ADAMTSL3: variants seen among roughly 807,000 people sequenced by gnomAD.
The protein encoded by ADAMTSL3 is ADAMTS-like protein 3.
In ADAMTSL3, 128 loss-of-function variants were observed where a neutral mutation model predicts 201.7. That is an observed-to-expected ratio of 0.63 (90% CI 0.55 to 0.73). The LOEUF is 0.73. Ranked by LOEUF, ADAMTSL3 falls within the 30% of genes least tolerant of loss-of-function variation. The pLI, the probability that ADAMTSL3 is intolerant of heterozygous loss-of-function variation, is 0.00. For synonymous variants in ADAMTSL3, 738 were observed against 748.4 expected (o/e 0.99, Z 0.23); for missense variants, 1,990 against 2,119.6 (o/e 0.94, Z 1.20).
intron 8 of ADAMTSL3, among the ~76,000 whole-genome samples, chr15:83,869,662 C>A (rs1285076729): frequency 6.6e-6 from 1 of 152,192 alleles, no homozygotes; most frequent in Non-Finnish European, 1.5e-5. Context: ...TGGATGGAAG[C>A]TCCCTAATGC....
At chr15:83,940,994 T>C (rs1298069298) in intron 17 of ADAMTSL3, among the ~76,000 whole-genome samples, 4 of 152,086 alleles carry the variant, frequency 2.6e-5, no homozygotes, top group African/African-American at 9.7e-5. Flanking sequence ...AAATATATTA[T>C]TAAATCTCCT....
In ADAMTSL3 at chr15:83,900,518, G is replaced by A. The variant is rs560779057; in HGVS notation, c.1700+787G>A. On this transcript the variant is annotated intron_variant, in intron 15 of 29. Transcript: ENST00000286744. ...TAGACTCAAGTAATTGAACAGAACA[G>A]CTGATTCCATGTCAAACATGTTAAG... Among the ~76,000 whole-genome samples, 9 of 152,370 alleles carry A rather than the reference G, an allele frequency of 5.9e-5. No homozygotes were observed. In the East Asian group the frequency reaches 1.7e-3, roughly 29 times the overall value.
chr15:83,845,348 T>C (rs1468525648), intron 7 of ADAMTSL3, among the ~76,000 whole-genome samples: 2 of 152,242 alleles, frequency 1.3e-5, no homozygotes, highest in Non-Finnish European at 2.9e-5. Flanking sequence ...GAACACATCC[T>C]AGGAGCTCAG....
At chr15:83,771,255 T>A (rs1312908868) in intron 3 of ADAMTSL3, among the ~76,000 whole-genome samples, 1 of 152,002 alleles carries the variant, frequency 6.6e-6, no homozygotes, top group Non-Finnish European at 1.5e-5. Context: ...TTCCTCTCAT[T>A]TTACTTCTTT....
At chr15:83,850,206 TCTTC>T (rs1354656483) in intron 7 of ADAMTSL3, among the ~76,000 whole-genome samples, 1 of 151,972 alleles carries the variant, frequency 6.6e-6, no homozygotes, top group Non-Finnish European at 1.5e-5. Flanking sequence ...CAAATGTCTG[TCTTC>T]CTTTCCAAGA....
In ADAMTSL3 at chr15:84,017,302, G is replaced by A. The variant is rs762144998; in HGVS notation, c.4273+803G>A. 5.9e-5 allele frequency among the ~76,000 whole-genome samples: 9 copies of A among 152,082 alleles called. No individual in the cohort carries two copies. The East Asian group carries it at 7.8e-4, about 13-fold the overall frequency. On this transcript the variant is annotated intron_variant, in intron 25 of 29. Transcript: ENST00000286744. The stretch of plus-strand genomic sequence containing the variant: ...CCGGCTAATTTTTTGTATTTTTAGT[G>A]GAGACGAGGTTTCACCGTGTTAGCC...
At chr15:83,919,341 G>T (rs1027682345) in intron 16 of ADAMTSL3, among the ~76,000 whole-genome samples, 7 of 152,268 alleles carry the variant, frequency 4.6e-5, no homozygotes, top group African/African-American at 1.7e-4. Flanking sequence ...AGCCGCAAAA[G>T]TCTATGAGAA....
At chr15:83,918,730 A>G (rs2066082431) in intron 16 of ADAMTSL3, among the ~76,000 whole-genome samples, 1 of 152,218 alleles carries the variant, frequency 6.6e-6, no homozygotes, top group African/African-American at 2.4e-5. Flanking sequence ...CTATCCCAAG[A>G]TCAATGGGAA....
Position 84,031,393 on chromosome 15 carries a change from A to T in ADAMTSL3, c.4715A>T (p.Gln1572Leu). The T allele has an allele frequency of 6.2e-7, 1 of 1,614,094 alleles. No homozygotes were observed. Among genetic ancestry groups the T allele is most frequent in the South Asian group, 1.1e-5 (1 of 91,080 alleles). The change falls in exon 28 of 30, where the codon CAA becomes CTA. Residue 1572 changes from glutamine (Q) to leucine (L), a missense_variant. Transcript: ENST00000286744. ...ATGCAGCAGCGTCACACAGCTTGTCAACACAACAGCTCTGACTCCAACTGT... is the reference window on the plus strand; with the variant it reads ...ATGCAGCAGCGTCACACAGCTTGTCTACACAACAGCTCTGACTCCAACTGT... ...VRMQQRHTAC[Q>L]HNSSDSNCDD... is the part of the protein sequence containing the mutation.
At chr15:83,797,610 GA>G (rs1374980426) in intron 4 of ADAMTSL3, among the ~76,000 whole-genome samples, 1 of 151,124 alleles carries the variant, frequency 6.6e-6, no homozygotes. Flanking sequence ...ACCCCAAAAA[GA>G]AAAAAAGAAT....
intron 4 of ADAMTSL3, among the ~76,000 whole-genome samples, chr15:83,777,810 A>C (rs1314754510): frequency 6.6e-6 from 1 of 152,222 alleles, no homozygotes; most frequent in Non-Finnish European, 1.5e-5. Flanking sequence ...GAATATGGAC[A>C]GAAATGAAGA....
intron 3 of ADAMTSL3, among the ~76,000 whole-genome samples, chr15:83,716,949 A>G (rs2062028328): frequency 6.6e-6 from 1 of 152,224 alleles, no homozygotes. Context: ...GGAAAAGGCA[A>G]GATTTTTAAC....
intron 3 of ADAMTSL3, among the ~76,000 whole-genome samples, chr15:83,767,623 C>T (rs2062914878): frequency 6.6e-6 from 1 of 152,140 alleles, no homozygotes; most frequent in African/African-American, 2.4e-5. Flanking sequence ...TGTGGAGCTG[C>T]TACATACCGC....
At chr15:83,765,196 T>C (rs1371720317) in intron 3 of ADAMTSL3, among the ~76,000 whole-genome samples, 4 of 152,246 alleles carry the variant, frequency 2.6e-5, no homozygotes, top group African/African-American at 9.6e-5. Context: ...TGAGTCTGTG[T>C]GACAGCTTGA....
chr15:83,720,396 G>C (rs2062084180), intron 3 of ADAMTSL3, among the ~76,000 whole-genome samples: 1 of 152,020 alleles, frequency 6.6e-6, no homozygotes, highest in Admixed American at 6.6e-5. Context: ...TTAAATGTTT[G>C]GTCCCTGACC....
At chr15:83,791,441 G>A (rs1178326885) in intron 4 of ADAMTSL3, among the ~76,000 whole-genome samples, 1 of 152,108 alleles carries the variant, frequency 6.6e-6, no homozygotes, top group Non-Finnish European at 1.5e-5. Context: ...CACATTTACA[G>A]CCAACTGATT....
chr15:83,904,184 C>A lies in ADAMTSL3; in HGVS notation c.1700+4453C>A, dbSNP rs115186918. Among the ~76,000 whole-genome samples the A allele has an allele frequency of 8.3e-3, 1,259 of 152,024 alleles. 15 individuals are homozygous for A. Among genetic ancestry groups the A allele is most frequent in the African/African-American group, 0.029 (1,184 of 41,420 alleles). On this transcript the variant is annotated intron_variant, in intron 15 of 29. Coordinates refer to ENST00000286744, the MANE Select transcript of ADAMTSL3 (RefSeq NM_207517.3). ...TGGCCCAAGCAGCTGCCTCTTCCCA[C>A]CTTCTGCCATCTCTCCCTCTGTGGT...
chr15:83,832,103 A>T (rs2064168839), intron 6 of ADAMTSL3, among the ~76,000 whole-genome samples: 1 of 152,160 alleles, frequency 6.6e-6, no homozygotes, highest in African/African-American at 2.4e-5. Context: ...TCAGTTTGGT[A>T]TGGGAATGGA....
chr15:83,856,482 C>CT (rs1168243895), intron 7 of ADAMTSL3, among the ~76,000 whole-genome samples: 13 of 152,014 alleles, frequency 8.6e-5, no homozygotes, highest in South Asian at 2.1e-4. Flanking sequence ...TGGCCCCCTC[C>CT]TTTTTTTTAA....
Sources: allele counts gnomAD v4.1 joint callset (sites outside exome capture counted in the v4.1 genomes callset), GRCh38; gene constraint gnomAD v4.1.1; transcripts MANE v1.5; gene names NCBI Gene and HGNC (gene_info 2026-07-23, HGNC 2026-07-21).